BBS9: variants seen among roughly 807,000 people sequenced by gnomAD.
BBS9 encodes the protein protein PTHB1.
In BBS9, 89 loss-of-function variants were observed where a neutral mutation model predicts 117.7. That is an observed-to-expected ratio of 0.76 (90% confidence interval 0.64 to 0.90). BBS9 has a LOEUF of 0.90. Ranked by LOEUF, BBS9 falls within the 40% of genes least tolerant of loss-of-function variation. The pLI is 0.00. For missense variants in BBS9, 982 were observed against 1,042.2 expected (o/e 0.94, Z 0.80); for synonymous variants, 379 against 370.9 (o/e 1.02, Z -0.25).
chr7:33,414,519 T>A (rs944398992), intron 19 of BBS9, among the ~76,000 whole-genome samples: 2 of 152,206 alleles, frequency 1.3e-5, no homozygotes, highest in Non-Finnish European at 2.9e-5. Context: ...TTTGTGTGTA[T>A]ACATGCATGC....
At chr7:33,246,695 G>A (rs990974780) in intron 5 of BBS9, among the ~76,000 whole-genome samples, 2 of 151,946 alleles carry the variant, frequency 1.3e-5, no homozygotes, top group East Asian at 1.9e-4. Flanking sequence ...TAAAGTACAC[G>A]GGTTCTTCTG....
At chr7:33,293,193 A>G (rs928760155) in intron 9 of BBS9, among the ~76,000 whole-genome samples, 2 of 152,030 alleles carry the variant, frequency 1.3e-5, no homozygotes, top group Admixed American at 6.6e-5. Context: ...TACCATGAAA[A>G]TATTTTATAT....
intron 19 of BBS9, among the ~76,000 whole-genome samples, chr7:33,427,013 G>T (rs1217282071): frequency 6.6e-6 from 1 of 152,132 alleles, no homozygotes; most frequent in Non-Finnish European, 1.5e-5. Context: ...CCAGAACAAG[G>T]TTTAAGCATG....
chr7:33,177,081 G>A (rs1583481732), intron 4 of BBS9, among the ~76,000 whole-genome samples: 1 of 151,966 alleles, frequency 6.6e-6, no homozygotes, highest in Non-Finnish European at 1.5e-5. Context: ...AAAGTGTTGG[G>A]GATTTTTTTT....
rs1378273459 is a variant in BBS9 at position 33,578,795 on chromosome 7, A to G, written c.2522-26070A>G. ...GTTAAAATCTATCCCATATCAGTAT[A>G]TAAGCTTTCATATTTCCTGTATCTC... On this transcript the variant is annotated intron_variant, in intron 21 of 22. Transcript: ENST00000242067. 2.6e-5 allele frequency among the ~76,000 whole-genome samples: 4 copies of G among 152,234 alleles called. No homozygotes were observed. In the South Asian group the frequency reaches 6.2e-4, roughly 24 times the overall value.
chr7:33,169,851 A>T (rs912797524), intron 4 of BBS9, among the ~76,000 whole-genome samples: 5 of 151,092 alleles, frequency 3.3e-5, no homozygotes, highest in Non-Finnish European at 7.4e-5. Context: ...TTTTGTTGCC[A>T]TTGCTTTTGG....
chr7:33,212,333 A>G (rs1242957910), intron 5 of BBS9, among the ~76,000 whole-genome samples: 1 of 152,174 alleles, frequency 6.6e-6, no homozygotes, highest in African/African-American at 2.4e-5. Context: ...TGTTTGATCA[A>G]TTCTACTATT....
At chr7:33,333,198 C>T (rs142814905) in intron 9 of BBS9, among the ~76,000 whole-genome samples, 81 of 152,098 alleles carry the variant, frequency 5.3e-4, no homozygotes, top group Admixed American at 6.6e-4. Context: ...GCCTTTTGTC[C>T]CTCACCCCTC....
intron 21 of BBS9, among the ~76,000 whole-genome samples, chr7:33,565,887 G>A (rs1373707348): frequency 8.2e-6 from 1 of 121,566 alleles, no homozygotes. Context: ...AATAAATTAG[G>A]ATACCTCTTA....
At chr7:33,467,202 G>T (rs573164357) in intron 19 of BBS9, among the ~76,000 whole-genome samples, 1 of 152,030 alleles carries the variant, frequency 6.6e-6, no homozygotes, top group South Asian at 2.1e-4. Context: ...GATTCTGGGG[G>T]GAAACATTGC....
intron 5 of BBS9, among the ~76,000 whole-genome samples, chr7:33,210,629 C>T (rs953405195): frequency 1.1e-4 from 16 of 152,128 alleles, no homozygotes; most frequent in African/African-American, 1.9e-4. Context: ...CCTCGCCTCC[C>T]GGGTTCAAGC....
At chr7:33,482,015 C>T (rs1842573235) in intron 19 of BBS9, among the ~76,000 whole-genome samples, 1 of 152,126 alleles carries the variant, frequency 6.6e-6, no homozygotes, top group Admixed American at 6.5e-5. Flanking sequence ...CATATAGCAG[C>T]AACTGGACTA....
intron 4 of BBS9, among the ~76,000 whole-genome samples, chr7:33,164,159 C>G (rs1216837370): frequency 6.6e-6 from 1 of 152,178 alleles, no homozygotes; most frequent in Admixed American, 6.5e-5. Context: ...GTTTCTTAAT[C>G]CTGAGTTCTA....
chr7:33,244,275 T>G (rs1206414915), intron 5 of BBS9, among the ~76,000 whole-genome samples: 1 of 152,126 alleles, frequency 6.6e-6, no homozygotes, highest in African/African-American at 2.4e-5. Flanking sequence ...TGATGGGCTT[T>G]TCACAAGGCT....
chr7:33,587,851 C>T (rs1861191822), intron 21 of BBS9, among the ~76,000 whole-genome samples: 2 of 151,948 alleles, frequency 1.3e-5, no homozygotes, highest in Admixed American at 1.3e-4. Context: ...AAACATTGTC[C>T]AGTTGTTTAT....
At chr7:33,354,740 C>T (rs1819321361) in intron 15 of BBS9, among the ~76,000 whole-genome samples, 1 of 151,598 alleles carries the variant, frequency 6.6e-6, no homozygotes, top group African/African-American at 2.4e-5. Context: ...TGGGGTGTGC[C>T]AGATGTAATT....
rs570766548 is a variant in BBS9 at position 33,136,534 on chromosome 7, C to A, written c.-12+6493C>A. On this transcript the variant is annotated intron_variant, in intron 1 of 22. Transcript: ENST00000242067. Reference sequence around the variant, plus strand: ...TATCAGTGTGAGGAACCTTCTATTCCTAGTGTTTTGAGTGTTTTTTTATAA... The same window carrying A: ...TATCAGTGTGAGGAACCTTCTATTCATAGTGTTTTGAGTGTTTTTTTATAA... Among the ~76,000 whole-genome samples, 7 of 151,794 alleles carry A rather than the reference C, an allele frequency of 4.6e-5. No homozygotes were observed. In the South Asian group the frequency reaches 1.5e-3, roughly 32 times the overall value.
At chr7:33,271,360 G>T (rs925641664) in intron 7 of BBS9, among the ~76,000 whole-genome samples, 1 of 152,096 alleles carries the variant, frequency 6.6e-6, no homozygotes, top group Non-Finnish European at 1.5e-5. Flanking sequence ...AAATCCACAC[G>T]TATCAATACT....
chr7:33,161,324 A>G (rs527345674), intron 4 of BBS9, among the ~76,000 whole-genome samples: 2 of 151,918 alleles, frequency 1.3e-5, no homozygotes, highest in Non-Finnish European at 2.9e-5. Context: ...CCTGTGTCCA[A>G]GTGTTCTCAT....
Sources: gnomAD v4.1 joint callset for allele counts (sites outside exome capture counted in the v4.1 genomes callset) on GRCh38, gnomAD v4.1.1 for gene constraint, MANE v1.5 for transcripts, NCBI Gene and HGNC (gene_info 2026-07-23, HGNC 2026-07-21) for gene names.